PDE12: variants seen among roughly 807,000 people sequenced by gnomAD.
PDE12 encodes phosphodiesterase 12, also known as 2',5'-phosphodiesterase 12.
In PDE12, 26 loss-of-function variants were observed where a neutral mutation model predicts 45.4. The observed-to-expected ratio is 0.57, with a 90% CI of 0.42 to 0.79. The LOEUF (loss-of-function observed/expected upper bound fraction) is 0.79. PDE12 is among the 30% of genes least tolerant of loss of function. The pLI, the probability that PDE12 is intolerant of heterozygous loss-of-function variation, is 0.00. For missense variants in PDE12, 668 were observed against 790.0 expected, an observed-to-expected ratio of 0.85 and a Z score of 1.85; for synonymous variants, 283 against 323.9, an observed-to-expected ratio of 0.87 and a Z score of 1.36.
At chr3:57,646,041 A>G in the PDE12 span, among the ~76,000 whole-genome samples, 615 of 152,286 alleles carry the variant, frequency 4.0e-3, 6 homozygotes, top group African/African-American at 0.014. Context: ...CACAAGTAAT[A>G]TTTATCAAGG....
the PDE12 span, among the ~76,000 whole-genome samples, chr3:57,651,059 C>T: frequency 2.6e-5 from 4 of 152,150 alleles, no homozygotes; most frequent in Non-Finnish European, 5.9e-5. Context: ...GCTTGGATTA[C>T]AGGCGTGAGC....
chr3:57,602,846 C>T, the PDE12 span, among the ~76,000 whole-genome samples: 5 of 151,934 alleles, frequency 3.3e-5, no homozygotes, highest in Admixed American at 2.6e-4. Flanking sequence ...GCTGAGATTA[C>T]AGGCGTGAGC....
At chr3:57,633,395 G>A in the PDE12 span, 1 of 1,505,974 alleles carries the variant, frequency 6.6e-7, no homozygotes, top group Middle Eastern at 1.8e-4. Flanking sequence ...TCTAGTGTTG[G>A]AATATAAAAC....
the PDE12 span, among the ~76,000 whole-genome samples, chr3:57,582,477 G>A: frequency 6.6e-6 from 1 of 152,004 alleles, no homozygotes; most frequent in East Asian, 1.9e-4. Flanking sequence ...TCCTGACCTC[G>A]TGATCCGCCC....
chr3:57,576,503 G>GTTTT, the PDE12 span, among the ~76,000 whole-genome samples: 2 of 130,904 alleles, frequency 1.5e-5, no homozygotes, highest in African/African-American at 5.8e-5. Flanking sequence ...TCTCAACCAA[G>GTTTT]CTTTTTTTTT....
chr3:57,591,256 T>C, the PDE12 span, among the ~76,000 whole-genome samples: 1 of 148,564 alleles, frequency 6.7e-6, no homozygotes, highest in Non-Finnish European at 1.5e-5. Context: ...AAAAACTTGT[T>C]CATGAATGTT....
At chr3:57,633,416 T>A in the PDE12 span, 1 of 1,331,230 alleles carries the variant, frequency 7.5e-7, no homozygotes, top group Non-Finnish European at 1.1e-6. Context: ...AATGGATAAC[T>A]ATCAGATTCA....
At chr3:57,654,362 T>C in the PDE12 span, among the ~76,000 whole-genome samples, 1 of 152,212 alleles carries the variant, frequency 6.6e-6, no homozygotes, top group East Asian at 1.9e-4. Context: ...ATGTGTCAGA[T>C]AGCATCAGAT....
At chr3:57,644,160 A>C in the PDE12 span, among the ~76,000 whole-genome samples, 11 of 152,128 alleles carry the variant, frequency 7.2e-5, no homozygotes, top group East Asian at 1.7e-3. Context: ...AAAAAAAAAA[A>C]AAAAAAACTA....
At chr3:57,641,029 T>C in the PDE12 span, among the ~76,000 whole-genome samples, 3 of 151,692 alleles carry the variant, frequency 2.0e-5, no homozygotes, top group African/African-American at 7.3e-5. Flanking sequence ...TTTTGAGACC[T>C]AGCTGTGTAT....
At chr3:57,638,708 A>G in the PDE12 span, among the ~76,000 whole-genome samples, 1 of 152,116 alleles carries the variant, frequency 6.6e-6, no homozygotes, top group South Asian at 2.1e-4. Context: ...CCAATAAACA[A>G]TGGAAAGATA....
the PDE12 span, among the ~76,000 whole-genome samples, chr3:57,608,965 A>T: frequency 6.6e-6 from 1 of 152,174 alleles, no homozygotes; most frequent in Non-Finnish European, 1.5e-5. Context: ...CTTATTCCAA[A>T]ATTGATCACA....
chr3:57,656,348 A>C, the PDE12 span, among the ~76,000 whole-genome samples: 5 of 152,200 alleles, frequency 3.3e-5, no homozygotes, highest in Admixed American at 3.3e-4. Context: ...TGCATGTATC[A>C]ACTGTTCCTT....
chr3:57,605,517 A>C, the PDE12 span, among the ~76,000 whole-genome samples: 7 of 152,180 alleles, frequency 4.6e-5, no homozygotes, highest in Non-Finnish European at 7.3e-5. Flanking sequence ...AAGAATAATT[A>C]ATTCTAAATT....
At chr3:57,569,712 G>A (rs1168240054), downstream of PDE12, among the ~76,000 whole-genome samples, 2 of 150,098 alleles carry the variant, frequency 1.3e-5, no homozygotes, top group African/African-American at 4.9e-5. Flanking sequence ...CATGCCTGTA[G>A]TACCAGCTAC....
the PDE12 span, among the ~76,000 whole-genome samples, chr3:57,579,421 G>A: frequency 6.6e-6 from 1 of 151,806 alleles, no homozygotes; most frequent in African/African-American, 2.4e-5. Flanking sequence ...CTGAGTAGCT[G>A]AGATTACAGG....
At chr3:57,577,389 TG>T in the PDE12 span, 63 of 1,606,410 alleles carry the variant, frequency 3.9e-5, no homozygotes, top group Non-Finnish European at 4.8e-5. Context: ...AATAAGACCC[TG>T]GGGAAAAATT....
chr3:57,605,655 T>C, the PDE12 span, among the ~76,000 whole-genome samples: 24,670 of 152,002 alleles, frequency 0.16, 2,685 homozygotes, highest in East Asian at 0.48. Flanking sequence ...ATACACAATA[T>C]CAAACAAGGT....
At chr3:57,631,116 G>A in the PDE12 span, 1 of 667,432 alleles carries the variant, frequency 1.5e-6, no homozygotes, top group South Asian at 2.0e-5. Flanking sequence ...CTCCCCACAA[G>A]AGATATAGCT....
Sources: allele counts gnomAD v4.1 joint callset (sites outside exome capture counted in the v4.1 genomes callset), GRCh38; gene constraint gnomAD v4.1.1; transcripts MANE v1.5; gene names NCBI Gene and HGNC (gene_info 2026-07-23, HGNC 2026-07-21).